GCLM: variants seen among roughly 807,000 people sequenced by gnomAD.
GCLM encodes the protein glutamate-cysteine ligase modifier subunit.
In GCLM, 15 loss-of-function variants were observed where a neutral mutation model predicts 36.0. The observed-to-expected ratio is 0.42, with a 90% CI of 0.28 to 0.64. GCLM has a LOEUF of 0.64. GCLM is among the 30% of genes least tolerant of loss of function. GCLM has a pLI of 0.25. For missense variants in GCLM, 242 were observed against 325.5 expected (o/e 0.74, Z 1.97); for synonymous variants, 129 against 122.8 (o/e 1.05, Z -0.34).
In GCLM at chr1:93,909,109, G is replaced by T; in HGVS notation, c.55C>A (p.His19Asn). 6.8e-7 allele frequency: 1 copy of T among 1,470,160 alleles called. No individual in the cohort carries two copies. 91.1% of individuals were successfully genotyped at this position (1,470,160 alleles called of 1,614,324 possible). A position where few individuals can be genotyped will look rare whatever the true frequency, so the allele number is the denominator to read the frequency against. Residue 19 changes from histidine (H) to asparagine (N), a missense_variant, in exon 1 of 7, where the codon CAC (histidine) becomes AAC (asparagine). Physicochemically the swap from His to Asn is moderately conservative, Grantham distance 68. Coordinates refer to ENST00000370238, the MANE Select transcript of GCLM (RefSeq NM_002061.4). ...TTCAGCAGGTTCCCCGTCTGCAGGT[G>T]CAGGGTGCGGGCCCGCGCCAGGAGC... ...KALLARARTL[H>N]LQTGNLLNWG...
At chr1:93,908,975 G>C (rs1168256300) in intron 1 of GCLM, 63 bp downstream of exon 1, 29 of 1,332,762 alleles carry the variant, frequency 2.2e-5, no homozygotes, top group Admixed American at 3.8e-5. Flanking sequence ...TCCCTTGCCG[G>C]AACCGCCCGG....
chr1:93,902,878 G>C (rs1021420960), intron 2 of GCLM, among the ~76,000 whole-genome samples: 1 of 151,766 alleles, frequency 6.6e-6, no homozygotes. Flanking sequence ...TTTTTTACTA[G>C]ACTAGCAAAA....
intron 6 of GCLM, among the ~76,000 whole-genome samples, chr1:93,891,365 C>T (rs1297502196): frequency 2.6e-5 from 4 of 152,138 alleles, no homozygotes; most frequent in African/African-American, 9.7e-5. Context: ...TCCTTGAACA[C>T]ACTTTTTCCA....
Position 93,896,652 on chromosome 1 carries a change from T to C in GCLM, c.506A>G (p.Lys169Arg). 6.2e-7 allele frequency: 1 copy of C among 1,614,128 alleles called. No homozygotes were observed. The highest frequency in any genetic ancestry group is 8.5e-7 in the Non-Finnish European group (1 of 1,180,006). The change falls in exon 5 of 7, where the codon AAA becomes AGA. Residue 169 changes from lysine (K) to arginine (R), a missense_variant. Coordinates refer to ENST00000370238, the MANE Select transcript of GCLM (RefSeq NM_002061.4). ...CTGATACAGCTGTTCCAACTGTGTT[T>C]TGTCTAGATCAGAGGTACCTATGGC... ...IVAIGTSDLDKTQLEQLYQWA... is the reference protein window; with the variant it reads ...IVAIGTSDLDRTQLEQLYQWA...
intron 5 of GCLM, among the ~76,000 whole-genome samples, chr1:93,895,696 G>C (rs1469727697): frequency 6.6e-6 from 1 of 152,138 alleles, no homozygotes; most frequent in Non-Finnish European, 1.5e-5. Flanking sequence ...AAAGGAGAAG[G>C]CTGAAGAAGA....
In GCLM at chr1:93,909,130, G is replaced by C. The variant is rs776524476; in HGVS notation, c.34C>G (p.Leu12Val). ...AGGTGCAGGGTGCGGGCCCGCGCCAGGAGCGCCTTGGCCGCGCGGCTGTCG... is the reference window on the plus strand; with the variant it reads ...AGGTGCAGGGTGCGGGCCCGCGCCACGAGCGCCTTGGCCGCGCGGCTGTCG... The part of the protein sequence containing the change: ...GTDSRAAKAL[L>V]ARARTLHLQT... Residue 12 changes from leucine to valine, a missense_variant, in exon 1 of 7, where the codon CTG becomes GTG. By Grantham distance (32) the Leu-to-Val change is conservative. Coordinates refer to ENST00000370238, the MANE Select transcript of GCLM (RefSeq NM_002061.4). 134 of 1,409,020 alleles carry C rather than the reference G, an allele frequency of 9.5e-5. No individual in the cohort carries two copies. Among genetic ancestry groups the C allele is most frequent in the Non-Finnish European group, 1.2e-4 (132 of 1,077,206 alleles). 87.3% of individuals were successfully genotyped at this position (1,409,020 alleles called of 1,614,324 possible). A position where few individuals can be genotyped will look rare whatever the true frequency, so the allele number is the denominator to read the frequency against.
chr1:93,905,019 C>G (rs1181926167), intron 1 of GCLM, among the ~76,000 whole-genome samples: 3 of 151,738 alleles, frequency 2.0e-5, no homozygotes, highest in African/African-American at 4.8e-5. Flanking sequence ...ACTAAAAATA[C>G]AAAAATCATG....
chr1:93,905,904 C>T (rs1451302928), intron 1 of GCLM, among the ~76,000 whole-genome samples: 1 of 152,158 alleles, frequency 6.6e-6, no homozygotes, highest in Non-Finnish European at 1.5e-5. Context: ...GAAATCACTG[C>T]CTTATTAGAT....
chr1:93,887,020 C>T lies in GCLM; in HGVS notation c.*1970G>A, dbSNP rs1212931998. The T allele has an allele frequency of 1.4e-5, 2 of 142,446 alleles. No individual in the cohort carries two copies. 8.8% of individuals were successfully genotyped at this position (142,446 alleles called of 1,614,324 possible). On this transcript the variant is annotated 3_prime_UTR_variant, in exon 7 of 7. Coordinates refer to ENST00000370238, the MANE Select transcript of GCLM (RefSeq NM_002061.4). ...TTCTTTTTTTTTTTTTTTTGAGACGCAGTCTCGCTCTGTCGCCCAGGCTGG... is the reference window on the plus strand; with the variant it reads ...TTCTTTTTTTTTTTTTTTTGAGACGTAGTCTCGCTCTGTCGCCCAGGCTGG...
At chr1:93,893,451 T>C (rs1213845033) in intron 6 of GCLM, among the ~76,000 whole-genome samples, 3 of 152,226 alleles carry the variant, frequency 2.0e-5, no homozygotes, top group Non-Finnish European at 2.9e-5. Flanking sequence ...AAAGTCTTAA[T>C]AGATTATCCA....
intron 6 of GCLM, among the ~76,000 whole-genome samples, chr1:93,894,330 T>C (rs1283153330): frequency 6.6e-6 from 1 of 151,960 alleles, no homozygotes; most frequent in Non-Finnish European, 1.5e-5. Flanking sequence ...ATATTACTAT[T>C]TAGAATGTCT....
At chr1:93,908,608 A>G (rs536770806) in intron 1 of GCLM, 2 of 153,218 alleles carry the variant, frequency 1.3e-5, no homozygotes, top group East Asian at 3.8e-4. Flanking sequence ...TAGGTGTACT[A>G]TGAATACTAC....
intron 6 of GCLM, among the ~76,000 whole-genome samples, chr1:93,893,044 G>A (rs2100908685): frequency 6.6e-6 from 1 of 152,206 alleles, no homozygotes; most frequent in East Asian, 1.9e-4. Context: ...AGCTCTACTG[G>A]GAAGGCAAAA....
intron 6 of GCLM, among the ~76,000 whole-genome samples, chr1:93,889,987 C>A (rs1656473773): frequency 6.6e-6 from 1 of 151,686 alleles, no homozygotes. Context: ...TCTTGGCCCA[C>A]TGCAACCTCC....
At chr1:93,901,805 T>C in intron 2 of GCLM, 136 bp from the exon 3 acceptor site, 1 of 575,852 alleles carries the variant, frequency 1.7e-6, no homozygotes, top group Non-Finnish European at 3.0e-6. Flanking sequence ...GAGGTCTGGG[T>C]GGGCTTCACA....
intron 2 of GCLM, 111 bp from the exon 3 acceptor site, chr1:93,901,780 C>T: frequency 1.6e-6 from 1 of 636,728 alleles, no homozygotes; most frequent in Non-Finnish European, 2.7e-6. Context: ...TATAAGACAA[C>T]AGAGTTCTCT....
chr1:93,904,345 A>G, intron 2 of GCLM, 178 bp downstream of exon 2: 2 of 598,930 alleles, frequency 3.3e-6, no homozygotes, highest in Non-Finnish European at 6.0e-6. Context: ...CCTACGGTCT[A>G]GATTTTCTGT....
intron 2 of GCLM, chr1:93,904,308 C>A: frequency 1.9e-6 from 1 of 518,462 alleles, no homozygotes; most frequent in Non-Finnish European, 3.5e-6. Context: ...CATGAGAATC[C>A]TAGTATCTTG....
chr1:93,887,614 G>A lies in GCLM; in HGVS notation c.*1376C>T. ...GCCTCCCAAGTAGCTGAGATTACAGGCGAGTGCCACCACGCCCAGCCAATT... is the reference window on the plus strand; with the variant it reads ...GCCTCCCAAGTAGCTGAGATTACAGACGAGTGCCACCACGCCCAGCCAATT... On this transcript the variant is annotated 3_prime_UTR_variant, in exon 7 of 7. Coordinates refer to ENST00000370238, the MANE Select transcript of GCLM (RefSeq NM_002061.4). The A allele has an allele frequency of 6.6e-6, 1 of 152,340 alleles. No individual in the cohort carries two copies. The highest frequency in any genetic ancestry group is 1.5e-5 in the Non-Finnish European group (1 of 68,248). 9.4% of individuals were successfully genotyped at this position (152,340 alleles called of 1,614,324 possible). A position where few individuals can be genotyped will look rare whatever the true frequency, so the allele number is the denominator to read the frequency against.
Sources: gnomAD v4.1 joint callset for allele counts (sites outside exome capture counted in the v4.1 genomes callset) on GRCh38, gnomAD v4.1.1 for gene constraint, MANE v1.5 for transcripts, NCBI Gene and HGNC (gene_info 2026-07-23, HGNC 2026-07-21) for gene names.